The following ENPP2 variants were observed in gnomAD, a reference collection of about 807,000 sequenced individuals.
The protein encoded by ENPP2 is autotaxin.
ENPP2 carries 51 observed loss-of-function variants against 120.2 expected under a neutral mutation model. That is an observed-to-expected ratio of 0.42 (90% CI 0.34 to 0.54). The LOEUF (loss-of-function observed/expected upper bound fraction) is 0.54. Among genes scored for constraint, ENPP2 ranks in the 20% least tolerant of loss-of-function variants. ENPP2 has a pLI of 0.04. For synonymous variants in ENPP2, 365 were observed against 366.4 expected, an observed-to-expected ratio of 1.00 and a Z score of 0.04; for missense variants, 920 against 1,066.5, an observed-to-expected ratio of 0.86 and a Z score of 1.91.
At chr8:119,602,804 T>C (rs887823853) in intron 9 of ENPP2, among the ~76,000 whole-genome samples, 4 of 152,194 alleles carry the variant, frequency 2.6e-5, no homozygotes, top group Admixed American at 6.5e-5. Context: ...AGCACAAGTT[T>C]AAATGTGGTC....
chr8:119,626,716 T>C lies in ENPP2; in HGVS notation c.141A>G (p.Leu47=), dbSNP rs976944163. ...AGATGTTGGTCCAGGGGGAGTCTGA[T>C]AGCACTGCAAAGAACAAGAGGCAAA... is the stretch of plus-strand genomic sequence containing the variant. ...EGWEEGPPTV[L]SDSPWTNISG... The change falls in exon 3 of 25, where the codon CTA becomes CTG. Residue 47 remains leucine, a synonymous_variant. Transcript: ENST00000075322. 6.2e-7 allele frequency: 1 copy of C among 1,613,964 alleles called. No individual in the cohort carries two copies. The highest frequency in any genetic ancestry group is 8.5e-7 in the Non-Finnish European group (1 of 1,179,890).
At chr8:119,559,627 T>TGAA (rs1478384162) in intron 24 of ENPP2, among the ~76,000 whole-genome samples, 1 of 152,228 alleles carries the variant, frequency 6.6e-6, no homozygotes, top group Non-Finnish European at 1.5e-5. Context: ...CATTCGCTGA[T>TGAA]GAAGACTGTG....
In ENPP2 at chr8:119,582,522, G is replaced by A. The variant is rs777501255; in HGVS notation, c.1624C>T (p.Pro542Ser). Residue 542 changes from proline to serine, a missense_variant, in exon 18 of 25, where the codon CCA becomes TCA. Coordinates refer to ENST00000075322, the MANE Select transcript of ENPP2 (RefSeq NM_001040092.3). ...CTGGTAACTTCCTCTGGCATGGTTGGCCTGAAGGTATTAGTGCGCAGGAGA... is the reference window on the plus strand; with the variant it reads ...CTGGTAACTTCCTCTGGCATGGTTGACCTGAAGGTATTAGTGCGCAGGAGA... ...NHLLRTNTFR[P>S]TMPEEVTRPN... is the part of the protein sequence containing the mutation. The A allele has an allele frequency of 1.9e-6, 3 of 1,613,632 alleles. No homozygotes were observed. Among genetic ancestry groups the A allele is most frequent in the Admixed American group, 1.7e-5 (1 of 60,012 alleles).
At chr8:119,565,190 G>A (rs745481722) in intron 22 of ENPP2, among the ~76,000 whole-genome samples, 1 of 152,088 alleles carries the variant, frequency 6.6e-6, no homozygotes, top group African/African-American at 2.4e-5. Flanking sequence ...GTTTAACGTA[G>A]TTCAAAAGTC....
At chr8:119,564,672 C>A (rs574356388) in intron 23 of ENPP2, 151 bp downstream of exon 23, 39 of 283,330 alleles carry the variant, frequency 1.4e-4, no homozygotes, top group Admixed American at 8.7e-4. Context: ...AGCAAGACGC[C>A]GTCTCAAAAA....
At chr8:119,669,110 C>T (rs772123757) in intron 1 of ENPP2, among the ~76,000 whole-genome samples, 45 of 152,170 alleles carry the variant, frequency 3.0e-4, no homozygotes, top group Middle Eastern at 3.2e-3. Flanking sequence ...TTATATTATG[C>T]CTTTATAGAT....
At chr8:119,659,681 G>C (rs540249560) in intron 1 of ENPP2, among the ~76,000 whole-genome samples, 1 of 152,280 alleles carries the variant, frequency 6.6e-6, no homozygotes, top group East Asian at 1.9e-4. Flanking sequence ...ACCACACACA[G>C]ATTTTATTCC....
intron 2 of ENPP2, 117 bp from the exon 3 acceptor site, chr8:119,626,837 G>A: frequency 1.1e-6 from 1 of 889,036 alleles, no homozygotes; most frequent in South Asian, 1.6e-5. Flanking sequence ...GAGAACACTG[G>A]CTCCATTACT....
chr8:119,605,878 G>A (rs1216919442), intron 9 of ENPP2, among the ~76,000 whole-genome samples: 2 of 152,148 alleles, frequency 1.3e-5, no homozygotes, highest in African/African-American at 2.4e-5. Context: ...GAGAATCAAC[G>A]TGAACAATCA....
Position 119,563,027 on chromosome 8 carries a change from G to A in ENPP2, c.2265-14C>T. On this transcript the variant is annotated splice_polypyrimidine_tract_variant and intron_variant, in intron 23 of 24. Coordinates refer to ENST00000075322, the MANE Select transcript of ENPP2 (RefSeq NM_001040092.3). ...CCTTCCACGTACCTGAAACAGGAAG[G>A]TAAAACGAAGTCACAGTTGATGAGT... 1 of 1,610,236 alleles carries A rather than the reference G, an allele frequency of 6.2e-7. No homozygotes were observed. The highest frequency in any genetic ancestry group is 8.5e-7 in the Non-Finnish European group (1 of 1,177,492).
chr8:119,568,142 A>T, intron 22 of ENPP2, 33 bp downstream of exon 22: 1 of 1,086,006 alleles, frequency 9.2e-7, no homozygotes, highest in Non-Finnish European at 1.4e-6. Context: ...TATTTTCATA[A>T]ATAACAGTGT....
intron 8 of ENPP2, among the ~76,000 whole-genome samples, chr8:119,610,385 G>T (rs1391033844): frequency 6.6e-6 from 1 of 150,964 alleles, no homozygotes. Flanking sequence ...GAACAAAAAA[G>T]ATAAAATACT....
intron 21 of ENPP2, 60 bp downstream of exon 21, chr8:119,569,175 C>A: frequency 6.5e-7 from 1 of 1,529,290 alleles, no homozygotes; most frequent in Non-Finnish European, 9.0e-7. Context: ...ATTCCAAATA[C>A]CAAGATTGCA....
chr8:119,601,043 A>T (rs10098410), intron 10 of ENPP2, among the ~76,000 whole-genome samples: 78,617 of 151,944 alleles, frequency 0.52, 20,767 homozygotes, highest in South Asian at 0.7. Flanking sequence ...GGTAATTCAC[A>T]TGGGCCGTGC....
chr8:119,601,503 T>C, intron 9 of ENPP2, 41 bp from the exon 10 acceptor site: 3 of 1,540,880 alleles, frequency 1.9e-6, no homozygotes, highest in Non-Finnish European at 2.7e-6. Context: ...TTAGGTTTCA[T>C]TTCCGCAAAC....
chr8:119,589,542 A>G (rs1211477642), intron 13 of ENPP2, among the ~76,000 whole-genome samples: 1 of 152,124 alleles, frequency 6.6e-6, no homozygotes, highest in East Asian at 1.9e-4. Flanking sequence ...GGGGTGCCAT[A>G]GTGACTGCAT....
intron 1 of ENPP2, among the ~76,000 whole-genome samples, chr8:119,654,086 G>A (rs1375842839): frequency 7.0e-6 from 1 of 142,520 alleles, no homozygotes; most frequent in Non-Finnish European, 1.5e-5. Context: ...TATATATTAT[G>A]TGTTATATAT....
intron 2 of ENPP2, among the ~76,000 whole-genome samples, chr8:119,627,069 T>C (rs1816330503): frequency 6.6e-6 from 1 of 152,186 alleles, no homozygotes; most frequent in Admixed American, 6.5e-5. Flanking sequence ...AAATCTGTGA[T>C]GATTAGTGCC....
At chr8:119,642,943 C>G (rs186963792), upstream of ENPP2, among the ~76,000 whole-genome samples, 150 of 152,210 alleles carry the variant, frequency 9.9e-4, 4 homozygotes, top group Admixed American at 9.0e-3. Context: ...TTGTCATGAA[C>G]TGATTGAAAC....
Sources: gnomAD v4.1 joint callset for allele counts (sites outside exome capture counted in the v4.1 genomes callset) on GRCh38, gnomAD v4.1.1 for gene constraint, MANE v1.5 for transcripts, NCBI Gene and HGNC (gene_info 2026-07-23, HGNC 2026-07-21) for gene names.